Variants in CNDP1 observed in about 807,000 individuals in gnomAD.
CNDP1 encodes the protein beta-Ala-His dipeptidase.
Under a neutral mutation model 58.1 loss-of-function variants are expected in CNDP1, and 44 were observed. That is an observed-to-expected ratio of 0.76 (90% CI 0.60 to 0.97). The LOEUF is 0.97. CNDP1 is among the 50% of genes least tolerant of loss of function. The pLI, the probability that CNDP1 is intolerant of heterozygous loss-of-function variation, is 0.00. For synonymous variants in CNDP1, 254 were observed against 252.6 expected, an observed-to-expected ratio of 1.01 and a Z score of -0.05; for missense variants, 616 against 655.1, an observed-to-expected ratio of 0.94 and a Z score of 0.65.
intron 6 of CNDP1, 78 bp downstream of exon 6, chr18:74,567,511 G>A (rs1981362235): frequency 7.7e-6 from 10 of 1,295,000 alleles, no homozygotes; most frequent in Non-Finnish European, 1.1e-5. Flanking sequence ...TGGGATCTTG[G>A]AGAGGAAGAA....
chr18:74,564,348 G>T (rs1356170014), intron 5 of CNDP1, among the ~76,000 whole-genome samples: 1 of 152,138 alleles, frequency 6.6e-6, no homozygotes, highest in Non-Finnish European at 1.5e-5. Flanking sequence ...AAAACCAAAT[G>T]GGGGAAGAAG....
chr18:74,553,566 C>G (rs919010609), intron 1 of CNDP1, among the ~76,000 whole-genome samples: 1 of 152,166 alleles, frequency 6.6e-6, no homozygotes, highest in Non-Finnish European at 1.5e-5. Flanking sequence ...ATCAGTTGAT[C>G]ATAAATGTGA....
At chr18:74,537,951 T>C (rs1331598260) in intron 1 of CNDP1, among the ~76,000 whole-genome samples, 1 of 152,258 alleles carries the variant, frequency 6.6e-6, no homozygotes, top group Non-Finnish European at 1.5e-5. Flanking sequence ...TACCCATCCA[T>C]GTACAATTTA....
rs534453782 is a variant in CNDP1 at position 74,545,348 on chromosome 18, C to T, written c.24+10657C>T. 1.4e-4 allele frequency among the ~76,000 whole-genome samples: 22 copies of T among 152,318 alleles called. No homozygotes were observed. The highest frequency in any genetic ancestry group is 3.9e-4 in the Admixed American group (6 of 15,302). On this transcript the variant is annotated intron_variant, in intron 1 of 11. Transcript: ENST00000358821. The surrounding 1 kb of genome is among the most constrained non-coding windows in gnomAD (Gnocchi z 4.1). Reference sequence around the variant, plus strand: ...CCTGGAGTCCACCCCCGCCTTTAACCGGGGACCTTGGTTCACAGGCACCAA... The same window carrying T: ...CCTGGAGTCCACCCCCGCCTTTAACTGGGGACCTTGGTTCACAGGCACCAA...
In CNDP1 at chr18:74,567,016, G is replaced by C. The variant is rs533485038; in HGVS notation, c.556-217G>C. On this transcript the variant is annotated intron_variant, in intron 5 of 11. Coordinates refer to ENST00000358821, the MANE Select transcript of CNDP1 (RefSeq NM_032649.6). Reference sequence around the variant, plus strand: ...GGCAGCAAGAGAAAATGCGGAAGAAGCAAACCCCTGATAAACCCATCAGAT... The same window carrying C: ...GGCAGCAAGAGAAAATGCGGAAGAACCAAACCCCTGATAAACCCATCAGAT... 9.0e-6 allele frequency: 5 copies of C among 554,560 alleles called. No individual in the cohort carries two copies. The African/African-American group carries it at 9.4e-5, about 10-fold the overall frequency. 34.4% of individuals were successfully genotyped at this position (554,560 alleles called of 1,614,324 possible). A position where few individuals can be genotyped will look rare whatever the true frequency, so the allele number is the denominator to read the frequency against.
rs145342799 is a variant in CNDP1, at chr18:74,576,996, C to T, written c.969C>T (p.Ser323=). The change falls in exon 8 of 12, where the codon AGC becomes AGT. Residue 323 remains serine (S), a synonymous_variant. Coordinates refer to ENST00000358821, the MANE Select transcript of CNDP1 (RefSeq NM_032649.6). ...IHLDLEEYRN[S]SRVEKFLFDT... ...TAGACCTAGAAGAATACCGGAATAG[C>T]AGCCGGGTTGAGAAATTTCTGTTCG... 1.6e-3 allele frequency: 2,616 copies of T among 1,612,936 alleles called. 24 individuals carry two copies. Among genetic ancestry groups the T allele is most frequent in the Non-Finnish European group, 6.4e-4 (755 of 1,179,512 alleles).
chr18:74,571,143 C>T (rs767505994), intron 6 of CNDP1, 43 bp from the exon 7 acceptor site: 1 of 1,347,788 alleles, frequency 7.4e-7, no homozygotes, highest in Non-Finnish European at 1.1e-6. Flanking sequence ...ACTAAAGGAA[C>T]CAAGGCAGGA....
chr18:74,553,450 AG>A (rs1156362090), intron 1 of CNDP1, among the ~76,000 whole-genome samples: 1 of 152,150 alleles, frequency 6.6e-6, no homozygotes, highest in African/African-American at 2.4e-5. Flanking sequence ...GGTGTGAGGA[AG>A]GGGGTGAAAC....
chr18:74,574,056 G>A (rs1260282097), intron 7 of CNDP1, among the ~76,000 whole-genome samples: 2 of 152,226 alleles, frequency 1.3e-5, no homozygotes, highest in Non-Finnish European at 2.9e-5. Flanking sequence ...GAGATGCCCG[G>A]ACTTCCAGGG....
At chr18:74,570,993 G>T (rs1981464716) in intron 6 of CNDP1, among the ~76,000 whole-genome samples, 193 bp from the exon 7 acceptor site, 1 of 152,132 alleles carries the variant, frequency 6.6e-6, no homozygotes, top group Non-Finnish European at 1.5e-5. Context: ...AGAGATGGTG[G>T]GAATGAAGCA....
At position 74,586,212 on chromosome 18, in the gene CNDP1, T is replaced by A. The variant is rs1981911497; in HGVS notation, c.*1650T>A. On this transcript the variant is annotated 3_prime_UTR_variant, in exon 12 of 12. Coordinates refer to ENST00000358821, the MANE Select transcript of CNDP1 (RefSeq NM_032649.6). The stretch of plus-strand genomic sequence containing the variant: ...CCTAGTTGTGGGCATTTGTGAAGGA[T>A]TCCAGTTAGTGTTTTCTTTGGAAGC... The A allele has an allele frequency of 2.0e-5, 3 of 152,128 alleles. No individual in the cohort carries two copies. Among genetic ancestry groups the A allele is most frequent in the African/African-American group, 7.2e-5 (3 of 41,420 alleles). 9.4% of individuals were successfully genotyped at this position (152,128 alleles called of 1,614,324 possible).
chr18:74,566,642 A>G (rs968905931), intron 5 of CNDP1, among the ~76,000 whole-genome samples: 1 of 152,256 alleles, frequency 6.6e-6, no homozygotes, highest in African/African-American at 2.4e-5. Flanking sequence ...AGGCCACCTC[A>G]GCCTGGATTT....
chr18:74,580,421 G>T, intron 10 of CNDP1, 150 bp downstream of exon 10: 1 of 753,444 alleles, frequency 1.3e-6, no homozygotes, highest in Non-Finnish European at 2.2e-6. Flanking sequence ...GCCATGTGCA[G>T]GGCACGCTAT....
intron 1 of CNDP1, 59 bp downstream of exon 1, chr18:74,534,750 C>T (rs191193341): frequency 1.8e-5 from 29 of 1,602,050 alleles, no homozygotes; most frequent in African/African-American, 6.7e-5. Flanking sequence ...CCATTTGTCC[C>T]GGGAGCATGT....
At chr18:74,578,672 T>C (rs779193548) in intron 9 of CNDP1, among the ~76,000 whole-genome samples, 3 of 152,132 alleles carry the variant, frequency 2.0e-5, no homozygotes, top group Non-Finnish European at 4.4e-5. Flanking sequence ...CTCAAGTATA[T>C]GCAATTACAG....
intron 7 of CNDP1, among the ~76,000 whole-genome samples, chr18:74,572,805 A>AAG (rs1981515947): frequency 2.1e-5 from 3 of 140,882 alleles, no homozygotes; most frequent in African/African-American, 8.3e-5. Context: ...AAAAAAAAAA[A>AAG]AAAAAAGAAA....
chr18:74,579,207 TCCCTTC>T (rs1555743781), intron 9 of CNDP1, among the ~76,000 whole-genome samples: 3 of 43,506 alleles, frequency 6.9e-5, no homozygotes, highest in Non-Finnish European at 1.5e-4. Flanking sequence ...TCCCTTGCCT[TCCCTTC>T]CCTTCCCTTC....
intron 1 of CNDP1, among the ~76,000 whole-genome samples, chr18:74,546,093 C>T (rs1980751367): frequency 6.6e-6 from 1 of 152,182 alleles, no homozygotes; most frequent in African/African-American, 2.4e-5. Context: ...TAACTGAAAT[C>T]ACTGGTTATT....
At position 74,554,265 on chromosome 18, in the gene CNDP1, G is replaced by C. The variant is rs189067799; in HGVS notation, c.25-2073G>C. 2.8e-3 allele frequency among the ~76,000 whole-genome samples: 430 copies of C among 152,346 alleles called. 4 individuals carry two copies. Among genetic ancestry groups the C allele is most frequent in the Non-Finnish European group, 4.3e-3 (293 of 68,026 alleles). ...ATGCCAGCTGAATCCTAGCTGAAAA[G>C]TTCTTGAAGCCTGAACATCCCTGTA... On this transcript the variant is annotated intron_variant, in intron 1 of 11. Transcript: ENST00000358821.
Sources: allele counts gnomAD v4.1 joint callset (sites outside exome capture counted in the v4.1 genomes callset), GRCh38; gene constraint gnomAD v4.1.1; non-coding constraint Gnocchi (gnomAD v3.1); transcripts MANE v1.5; gene names NCBI Gene and HGNC (gene_info 2026-07-23, HGNC 2026-07-21).